SH3GL3: variants seen among roughly 807,000 people sequenced by gnomAD.
The protein encoded by SH3GL3 is SH3 domain containing GRB2 like 3, endophilin A3, also known as endophilin-A3.
A neutral mutation model predicts 47.7 loss-of-function variants in SH3GL3; 33 were observed. The ratio of observed to expected loss-of-function variants is 0.69; its 90% CI spans 0.52 to 0.92. The LOEUF is 0.92. SH3GL3 is among the 40% of genes least tolerant of loss of function. The pLI is 0.00. For missense variants in SH3GL3, 363 were observed against 417.8 expected, an observed-to-expected ratio of 0.87 and a Z score of 1.14; for synonymous variants, 155 against 148.8, an observed-to-expected ratio of 1.04 and a Z score of -0.30.
chr15:83,630,768 T>C, the SH3GL3 span, among the ~76,000 whole-genome samples: 8 of 152,122 alleles, frequency 5.3e-5, no homozygotes, highest in Admixed American at 2.6e-4. Context: ...GGAACTACAA[T>C]TCAAGATGAG....
At chr15:83,493,137 A>T (rs11637452) in intron 1 of SH3GL3, among the ~76,000 whole-genome samples, 27,998 of 152,074 alleles carry the variant, frequency 0.18, 2,970 homozygotes, top group South Asian at 0.45. Context: ...TTATTTTTTT[A>T]AAAAAGAGTG....
At chr15:83,602,818 T>C (rs368646062) in intron 8 of SH3GL3, among the ~76,000 whole-genome samples, 1 of 152,162 alleles carries the variant, frequency 6.6e-6, no homozygotes, top group Non-Finnish European at 1.5e-5. Flanking sequence ...TTTTGTCTTT[T>C]ATTCTGTGGG....
the SH3GL3 span, among the ~76,000 whole-genome samples, chr15:83,630,746 G>C: frequency 1.3e-5 from 2 of 152,130 alleles, no homozygotes; most frequent in Admixed American, 1.3e-4. Context: ...CCCAAGACAT[G>C]TGGGCAGTAT....
intron 1 of SH3GL3, among the ~76,000 whole-genome samples, chr15:83,501,278 T>A (rs2042282437): frequency 6.6e-6 from 1 of 152,214 alleles, no homozygotes. Context: ...TTACATTTTA[T>A]GAAACTTAAG....
At chr15:83,482,348 T>G (rs1026322188) in intron 1 of SH3GL3, among the ~76,000 whole-genome samples, 3 of 152,224 alleles carry the variant, frequency 2.0e-5, no homozygotes, top group Non-Finnish European at 4.4e-5. Context: ...ATCCATTTTT[T>G]GGGATATAAA....
At chr15:83,458,637 G>A (rs1315490003) in intron 1 of SH3GL3, among the ~76,000 whole-genome samples, 2 of 152,058 alleles carry the variant, frequency 1.3e-5, no homozygotes, top group African/African-American at 4.8e-5. Flanking sequence ...AACTCTGGAG[G>A]GTCTTGTGAG....
intron 8 of SH3GL3, among the ~76,000 whole-genome samples, chr15:83,596,782 A>AT (rs1190754847): frequency 3.3e-5 from 5 of 151,454 alleles, no homozygotes. Flanking sequence ...TTATTTATTT[A>AT]TTTTTTTTAC....
intron 8 of SH3GL3, among the ~76,000 whole-genome samples, chr15:83,604,256 T>A (rs1308984364): frequency 1.3e-5 from 2 of 152,122 alleles, no homozygotes; most frequent in African/African-American, 4.8e-5. Flanking sequence ...TTTGAGGAAA[T>A]GAGAACCCAG....
At chr15:83,566,837 C>T (rs117314784) in intron 3 of SH3GL3, among the ~76,000 whole-genome samples, 1,771 of 152,238 alleles carry the variant, frequency 0.012, 18 homozygotes, top group Non-Finnish European at 0.018. Flanking sequence ...ACAGCTGGCA[C>T]GGGAATGTCA....
intron 1 of SH3GL3, among the ~76,000 whole-genome samples, chr15:83,483,377 C>T (rs2151561736): frequency 6.6e-6 from 1 of 152,294 alleles, no homozygotes; most frequent in South Asian, 2.1e-4. Context: ...GACTACTGAG[C>T]ATTTGAAATG....
intron 1 of SH3GL3, among the ~76,000 whole-genome samples, chr15:83,521,976 T>A (rs2043224988): frequency 6.6e-6 from 1 of 152,112 alleles, no homozygotes; most frequent in African/African-American, 2.4e-5. Context: ...TTCCTATTGC[T>A]GGAATAGTGG....
chr15:83,590,846 T>C (rs181443232), intron 8 of SH3GL3, among the ~76,000 whole-genome samples: 26 of 152,308 alleles, frequency 1.7e-4, no homozygotes, highest in Admixed American at 1.6e-3. Flanking sequence ...GATTTGCAAA[T>C]ATATTCTCTC....
chr15:83,556,564 G>A (rs1421664934), intron 1 of SH3GL3, among the ~76,000 whole-genome samples: 2 of 152,100 alleles, frequency 1.3e-5, no homozygotes, highest in African/African-American at 4.8e-5. Flanking sequence ...CGGATTAAAG[G>A]GATTTCGGGT....
chr15:83,576,790 T>C lies in SH3GL3; in HGVS notation c.624+49T>C, dbSNP rs545853875. 55 of 1,312,000 alleles carry C rather than the reference T, an allele frequency of 4.2e-5. 2 individuals are homozygous for C. In the South Asian group the frequency reaches 4.9e-4, roughly 12 times the overall value. The allele number at this position is 1,312,000 out of a possible 1,614,324, so 81.3% of individuals were successfully genotyped here. A position where few individuals can be genotyped will look rare whatever the true frequency, so the allele number is the denominator to read the frequency against. ...GATTTTAATGTAAATGAATGAAACA[T>C]TGAATATATGACTATGATCGGCATG... is the stretch of plus-strand genomic sequence containing the variant. On this transcript the variant is annotated intron_variant, in intron 6 of 8. Coordinates refer to ENST00000427482, the MANE Select transcript of SH3GL3 (RefSeq NM_003027.5).
In SH3GL3 at chr15:83,447,429, C is replaced by G; in HGVS notation, c.-105C>G. 8 of 992,834 alleles carry G rather than the reference C, an allele frequency of 8.1e-6. No individual in the cohort carries two copies. Among genetic ancestry groups the G allele is most frequent in the Non-Finnish European group, 1.1e-5 (8 of 753,836 alleles). The allele number at this position is 992,834 out of a possible 1,614,324, so 61.5% of individuals were successfully genotyped here. ...CCGTGGGAGGCGGGCCCGGCGGAGC[C>G]CAGCCGCGGGGGGACCGGCCCGGGC... On this transcript the variant is annotated 5_prime_UTR_variant, in exon 1 of 9. Transcript: ENST00000427482. The surrounding 1 kb of genome is among the most constrained non-coding windows in gnomAD (Gnocchi z 5.1).
intron 1 of SH3GL3, among the ~76,000 whole-genome samples, chr15:83,464,827 A>G (rs1408188620): frequency 6.6e-6 from 1 of 152,046 alleles, no homozygotes; most frequent in Non-Finnish European, 1.5e-5. Context: ...CAGACCAGCT[A>G]CAATTCATTT....
chr15:83,595,408 T>G (rs1165138577), intron 8 of SH3GL3, among the ~76,000 whole-genome samples: 1 of 152,030 alleles, frequency 6.6e-6, no homozygotes, highest in East Asian at 1.9e-4. Context: ...TGTACTATGC[T>G]TGATCACCTG....
chr15:83,607,112 G>C (rs967123693), intron 8 of SH3GL3, among the ~76,000 whole-genome samples: 1 of 152,108 alleles, frequency 6.6e-6, no homozygotes, highest in Non-Finnish European at 1.5e-5. Context: ...TTGAAAAGCC[G>C]TAAGACATAA....
downstream of SH3GL3, among the ~76,000 whole-genome samples, chr15:83,622,745 C>T (rs929671126): frequency 2.0e-5 from 3 of 152,220 alleles, no homozygotes; most frequent in African/African-American, 4.8e-5. Flanking sequence ...CACACATGCT[C>T]AGGGAAAAAT....
Sources: gnomAD v4.1 joint callset for allele counts (sites outside exome capture counted in the v4.1 genomes callset) on GRCh38, gnomAD v4.1.1 for gene constraint, Gnocchi (gnomAD v3.1) non-coding constraint, MANE v1.5 for transcripts, NCBI Gene and HGNC (gene_info 2026-07-23, HGNC 2026-07-21) for gene names.